BMP6: variants seen among roughly 807,000 people sequenced by gnomAD.
BMP6 encodes bone morphogenetic protein 6.
BMP6 carries 17 observed loss-of-function variants against 54.1 expected under a neutral mutation model. The ratio of observed to expected loss-of-function variants is 0.31; its 90% confidence interval spans 0.22 to 0.47. BMP6 has a LOEUF of 0.47. BMP6 is among the 20% of genes least tolerant of loss of function. The probability of loss-of-function intolerance (pLI) is 1.00; values close to 1 mark genes in which losing one functional copy is unlikely to be tolerated. For missense variants in BMP6, 720 were observed against 690.4 expected (o/e 1.04, Z -0.48); for synonymous variants, 328 against 291.2 (o/e 1.13, Z -1.28).
intron 1 of BMP6, among the ~76,000 whole-genome samples, chr6:7,747,674 T>C (rs1285572677): frequency 3.3e-5 from 5 of 152,142 alleles, no homozygotes; most frequent in African/African-American, 9.7e-5. Flanking sequence ...TCAGACAAGG[T>C]CTTGCTCTGT....
intron 4 of BMP6, among the ~76,000 whole-genome samples, chr6:7,867,532 C>T (rs550646158): frequency 2.5e-4 from 38 of 152,314 alleles, no homozygotes; most frequent in African/African-American, 7.9e-4. Context: ...CTGACTGGGT[C>T]GGTCCACCAT....
intron 1 of BMP6, among the ~76,000 whole-genome samples, chr6:7,815,725 A>C (rs1301865388): frequency 2.0e-5 from 3 of 152,238 alleles, no homozygotes; most frequent in Admixed American, 2.0e-4. Context: ...GAGAACACAC[A>C]CTGTAATTAG....
At chr6:7,770,052 G>T (rs890155430) in intron 1 of BMP6, among the ~76,000 whole-genome samples, 2 of 151,360 alleles carry the variant, frequency 1.3e-5, no homozygotes, top group African/African-American at 4.9e-5. Context: ...CCACCCCCCT[G>T]CACCTCCCCT....
intron 1 of BMP6, among the ~76,000 whole-genome samples, chr6:7,758,266 C>T (rs894564797): frequency 6.6e-6 from 1 of 152,212 alleles, no homozygotes; most frequent in Non-Finnish European, 1.5e-5. Flanking sequence ...TGTGAATTCG[C>T]AGATTGAGTA....
At chr6:7,859,852 T>C (rs1199389861) in intron 2 of BMP6, among the ~76,000 whole-genome samples, 1 of 152,128 alleles carries the variant, frequency 6.6e-6, no homozygotes, top group Non-Finnish European at 1.5e-5. Flanking sequence ...GTGCCTACTG[T>C]TTATACTTGG....
chr6:7,772,522 C>A (rs1464449111), intron 1 of BMP6, among the ~76,000 whole-genome samples: 1 of 152,168 alleles, frequency 6.6e-6, no homozygotes, highest in Non-Finnish European at 1.5e-5. Flanking sequence ...AACTCAATGC[C>A]AGTTTGTTGA....
chr6:7,865,343 G>A (rs1234607144), intron 4 of BMP6, among the ~76,000 whole-genome samples: 1 of 152,056 alleles, frequency 6.6e-6, no homozygotes, highest in Non-Finnish European at 1.5e-5. Context: ...AGGCAAAAGG[G>A]TTCATACGAA....
At chr6:7,796,100 A>T (rs1447299486) in intron 1 of BMP6, among the ~76,000 whole-genome samples, 6 of 152,170 alleles carry the variant, frequency 3.9e-5, no homozygotes, top group Non-Finnish European at 8.8e-5. Flanking sequence ...CAGGGAGAGC[A>T]CCCAGGGTGA....
At chr6:7,740,430 C>T (rs966053617) in intron 1 of BMP6, among the ~76,000 whole-genome samples, 6 of 152,140 alleles carry the variant, frequency 3.9e-5, no homozygotes, top group Non-Finnish European at 8.8e-5. Context: ...ATTACAAGTG[C>T]ATTCGTAGAA....
chr6:7,866,136 C>A (rs1403346945), intron 4 of BMP6, among the ~76,000 whole-genome samples: 2 of 152,222 alleles, frequency 1.3e-5, no homozygotes, highest in African/African-American at 4.8e-5. Context: ...TTCACTTGCC[C>A]TTGCTTCTCT....
At chr6:7,819,573 C>T (rs1044505971) in intron 1 of BMP6, among the ~76,000 whole-genome samples, 4 of 152,104 alleles carry the variant, frequency 2.6e-5, no homozygotes, top group Admixed American at 1.3e-4. Flanking sequence ...GGGAAAAGGC[C>T]TCTAAGCCTC....
intron 2 of BMP6, 149 bp from the exon 3 acceptor site, chr6:7,861,302 T>A: frequency 9.7e-7 from 1 of 1,035,290 alleles, no homozygotes; most frequent in South Asian, 1.5e-5. Flanking sequence ...TACCACGCCT[T>A]TCAGGGCTAT....
chr6:7,773,291 G>A (rs1298923862), intron 1 of BMP6, among the ~76,000 whole-genome samples: 1 of 152,164 alleles, frequency 6.6e-6, no homozygotes, highest in Non-Finnish European at 1.5e-5. Context: ...TGTAGATTAT[G>A]CCGTTTTAGG....
chr6:7,792,081 T>C (rs1054840236), intron 1 of BMP6, among the ~76,000 whole-genome samples: 1 of 152,124 alleles, frequency 6.6e-6, no homozygotes, highest in African/African-American at 2.4e-5. Flanking sequence ...TCAAAATCCA[T>C]AACTGCGGGA....
intron 1 of BMP6, among the ~76,000 whole-genome samples, chr6:7,780,998 A>G (rs1242748200): frequency 6.6e-6 from 1 of 152,226 alleles, no homozygotes; most frequent in African/African-American, 2.4e-5. Flanking sequence ...GGCATGAGCC[A>G]CTGCGCCCAG....
chr6:7,778,175 C>T (rs146685571), intron 1 of BMP6, among the ~76,000 whole-genome samples: 169 of 152,170 alleles, frequency 1.1e-3, no homozygotes, highest in Non-Finnish European at 2.0e-3. Flanking sequence ...AAAGGCGTGA[C>T]GTATCTTTTA....
chr6:7,801,029 C>T (rs1396071758), intron 1 of BMP6, among the ~76,000 whole-genome samples: 2 of 152,066 alleles, frequency 1.3e-5, no homozygotes, highest in Non-Finnish European at 1.5e-5. Context: ...TGAGACTGTT[C>T]TCATCTGGCC....
intron 1 of BMP6, among the ~76,000 whole-genome samples, chr6:7,806,187 C>T (rs989402930): frequency 6.6e-6 from 1 of 152,244 alleles, no homozygotes; most frequent in Admixed American, 6.5e-5. Context: ...TTCCAGCATC[C>T]TGAGACTTTC....
chr6:7,731,214 C>G (rs1299767602), intron 1 of BMP6, among the ~76,000 whole-genome samples: 1 of 152,214 alleles, frequency 6.6e-6, no homozygotes, highest in East Asian at 1.9e-4. Context: ...CTTGCATTCA[C>G]TCAGGGCCAC....
Sources: gnomAD v4.1 joint callset for allele counts (sites outside exome capture counted in the v4.1 genomes callset) on GRCh38, gnomAD v4.1.1 for gene constraint, MANE v1.5 for transcripts, NCBI Gene and HGNC (gene_info 2026-07-23, HGNC 2026-07-21) for gene names.